Variants in RBM20 observed in about 807,000 individuals in gnomAD.
RBM20 encodes the protein RNA-binding protein 20.
A neutral mutation model predicts 110.1 loss-of-function variants in RBM20; 51 were observed. That is an observed-to-expected ratio of 0.46 (90% CI 0.37 to 0.59). The LOEUF (loss-of-function observed/expected upper bound fraction) is 0.59, where lower values mean the gene tolerates loss of function less well. Ranked by LOEUF, RBM20 falls within the 20% of genes least tolerant of loss-of-function variation. The pLI is 0.00. For synonymous variants in RBM20, 589 were observed against 618.2 expected (o/e 0.95, Z 0.70); for missense variants, 1,512 against 1,574.9 (o/e 0.96, Z 0.68).
chr10:110,719,862 C>G (rs1843483782), intron 1 of RBM20, among the ~76,000 whole-genome samples: 1 of 152,082 alleles, frequency 6.6e-6, no homozygotes, highest in African/African-American at 2.4e-5. Flanking sequence ...CCACCTCTGT[C>G]TTATTCTGTT....
At chr10:110,686,228 C>T (rs1862503284) in intron 1 of RBM20, among the ~76,000 whole-genome samples, 1 of 152,122 alleles carries the variant, frequency 6.6e-6, no homozygotes, top group Non-Finnish European at 1.5e-5. Flanking sequence ...AACTTGGGCT[C>T]TCACTCCCAG....
chr10:110,831,989 A>G (rs1408175157), intron 13 of RBM20, among the ~76,000 whole-genome samples: 4 of 152,234 alleles, frequency 2.6e-5, no homozygotes, highest in Admixed American at 1.3e-4. Flanking sequence ...TAGAAAAAAA[A>G]TGTTGCAAAT....
At chr10:110,676,544 C>T (rs905591906) in intron 1 of RBM20, among the ~76,000 whole-genome samples, 1 of 152,236 alleles carries the variant, frequency 6.6e-6, no homozygotes, top group African/African-American at 2.4e-5. Context: ...CTTACACTTG[C>T]GTTCCTGCAC....
chr10:110,779,517 G>A (rs1189308242), intron 1 of RBM20, among the ~76,000 whole-genome samples: 2 of 152,188 alleles, frequency 1.3e-5, no homozygotes, highest in African/African-American at 4.8e-5. Flanking sequence ...AGTTCTGGGA[G>A]CCTCTCTAGC....
At chr10:110,811,261 C>T (rs1844764325) in intron 8 of RBM20, among the ~76,000 whole-genome samples, 2 of 152,292 alleles carry the variant, frequency 1.3e-5, no homozygotes, top group South Asian at 4.1e-4. Flanking sequence ...CCTTGGTGTC[C>T]CCTGGTCAGT....
At chr10:110,730,373 G>T (rs1416332951) in intron 1 of RBM20, among the ~76,000 whole-genome samples, 1 of 152,184 alleles carries the variant, frequency 6.6e-6, no homozygotes, top group Non-Finnish European at 1.5e-5. Context: ...ATTAATCCTG[G>T]CTTGGAGATC....
At chr10:110,757,649 A>G (rs568996380) in intron 1 of RBM20, among the ~76,000 whole-genome samples, 2 of 152,346 alleles carry the variant, frequency 1.3e-5, no homozygotes, top group Admixed American at 1.3e-4. Context: ...GGTCTTTTGC[A>G]AAAACAGAGA....
At chr10:110,754,893 T>C (rs565626236) in intron 1 of RBM20, among the ~76,000 whole-genome samples, 2 of 152,356 alleles carry the variant, frequency 1.3e-5, no homozygotes, top group East Asian at 3.9e-4. Context: ...TATTTTCTGA[T>C]ACGCCTGACA....
At chr10:110,767,226 C>A (rs1844108752) in intron 1 of RBM20, among the ~76,000 whole-genome samples, 1 of 137,142 alleles carries the variant, frequency 7.3e-6, no homozygotes. Context: ...GACCCCCCCA[C>A]CTCCCTCCCG....
intron 1 of RBM20, among the ~76,000 whole-genome samples, chr10:110,740,012 G>C (rs1843709416): frequency 6.6e-6 from 1 of 152,234 alleles, no homozygotes; most frequent in Non-Finnish European, 1.5e-5. Context: ...CTGATACTCA[G>C]CAATGCAGAC....
chr10:110,654,097 T>C (rs147308009), intron 1 of RBM20, among the ~76,000 whole-genome samples: 442 of 152,330 alleles, frequency 2.9e-3, no homozygotes, highest in Middle Eastern at 0.01. Flanking sequence ...AAGTAGTAAG[T>C]TGTCTGCAGA....
intron 1 of RBM20, among the ~76,000 whole-genome samples, chr10:110,726,232 T>C (rs1454254526): frequency 6.6e-6 from 1 of 152,192 alleles, no homozygotes; most frequent in Non-Finnish European, 1.5e-5. Context: ...AGGGCTGCTG[T>C]GGGTGTCTCT....
intron 1 of RBM20, among the ~76,000 whole-genome samples, chr10:110,766,318 T>TTTTTTTG (rs541728794): frequency 0.4 from 60,146 of 149,140 alleles, 12,290 homozygotes; most frequent in East Asian, 0.49. Context: ...ACTTTGTTTT[T>TTTTTTTG]TTTTTTGTTT....
intron 1 of RBM20, among the ~76,000 whole-genome samples, chr10:110,701,022 CA>C (rs1216270816): frequency 2.6e-5 from 4 of 152,060 alleles, no homozygotes; most frequent in Middle Eastern, 3.4e-3. Flanking sequence ...CTCAAAAAAA[CA>C]AAACAAAGCA....
At chr10:110,685,993 T>C (rs1862499148) in intron 1 of RBM20, among the ~76,000 whole-genome samples, 1 of 152,172 alleles carries the variant, frequency 6.6e-6, no homozygotes, top group South Asian at 2.1e-4. Context: ...ATAGCTCGGA[T>C]GGGGATCAGT....
intron 7 of RBM20, among the ~76,000 whole-genome samples, chr10:110,805,635 C>T (rs141734748): frequency 4.3e-4 from 66 of 152,322 alleles, no homozygotes; most frequent in Non-Finnish European, 4.1e-4. Context: ...AGTTTCCCAT[C>T]GGCAATAAGC....
intron 1 of RBM20, among the ~76,000 whole-genome samples, chr10:110,717,123 A>G (rs1371503408): frequency 6.6e-6 from 1 of 151,864 alleles, no homozygotes; most frequent in African/African-American, 2.4e-5. Context: ...GGCAATCCTC[A>G]ACTGCAGGCT....
intron 1 of RBM20, among the ~76,000 whole-genome samples, chr10:110,698,776 C>G (rs936790212): frequency 6.6e-6 from 1 of 152,160 alleles, no homozygotes; most frequent in Admixed American, 6.5e-5. Flanking sequence ...CAAATAGCCC[C>G]GCACCATGTG....
intron 1 of RBM20, among the ~76,000 whole-genome samples, chr10:110,766,445 T>C (rs1407236863): frequency 2.6e-5 from 4 of 152,002 alleles, no homozygotes; most frequent in Admixed American, 1.3e-4. Context: ...CAAAGGTCTC[T>C]GGTTTTCCTA....
Sources: gnomAD v4.1 joint callset for allele counts (sites outside exome capture counted in the v4.1 genomes callset) on GRCh38, gnomAD v4.1.1 for gene constraint, MANE v1.5 for transcripts, NCBI Gene and HGNC (gene_info 2026-07-23, HGNC 2026-07-21) for gene names.